Variants in CELF1 observed in about 807,000 individuals in gnomAD.
The protein encoded by CELF1 is 50 kDa nuclear polyadenylated RNA-binding protein.
In CELF1, 10 loss-of-function variants were observed where a neutral mutation model predicts 61.8. The observed-to-expected ratio is 0.16, with a 90% CI of 0.10 to 0.27. The LOEUF (loss-of-function observed/expected upper bound fraction) is 0.27, where lower values mean the gene tolerates loss of function less well. Ranked by LOEUF, CELF1 falls within the 10% of genes least tolerant of loss-of-function variation. CELF1 has a pLI of 1.00. For missense variants in CELF1, 380 were observed against 639.1 expected, an observed-to-expected ratio of 0.59 and a Z score of 4.37; for synonymous variants, 236 against 225.1, an observed-to-expected ratio of 1.05 and a Z score of -0.43.
chr11:47,523,539 C>T (rs1335088579), intron 1 of CELF1: 2 of 152,192 alleles, frequency 1.3e-5, no homozygotes, highest in Non-Finnish European at 2.9e-5. Context: ...AGAAGAGATC[C>T]CTAAGTGATT....
chr11:47,555,955 G>A (rs906665693), upstream of CELF1, among the ~76,000 whole-genome samples: 18 of 136,084 alleles, frequency 1.3e-4, no homozygotes, highest in East Asian at 3.3e-3. Context: ...AGTCGAGATC[G>A]AACCACTGCA....
At chr11:47,526,911 C>T (rs550612127) in intron 1 of CELF1, among the ~76,000 whole-genome samples, 59 of 152,042 alleles carry the variant, frequency 3.9e-4, no homozygotes, top group Admixed American at 2.6e-4. Flanking sequence ...ATTAGCTGGG[C>T]GTGGGGGCGC....
At chr11:47,561,187 G>C (rs1329931696) in intron 2 of CELF1, among the ~76,000 whole-genome samples, 3 of 147,364 alleles carry the variant, frequency 2.0e-5, no homozygotes, top group Non-Finnish European at 4.4e-5. Context: ...GCTCAGGCCT[G>C]TAATCCCAGC....
At chr11:47,534,037 TTTTTTTTG>T (rs1296370976) in intron 1 of CELF1, among the ~76,000 whole-genome samples, 4 of 144,570 alleles carry the variant, frequency 2.8e-5, no homozygotes, top group Non-Finnish European at 4.5e-5. Flanking sequence ...TTTTTTTTTT[TTTTTTTTG>T]GACATAGAGT....
Position 47,553,099 on chromosome 11 carries a change from C to G in CELF1, c.-261G>C, listed in dbSNP as rs889190512. On this transcript the variant is annotated 5_prime_UTR_variant, in exon 1 of 15. Transcript: ENST00000687097. ...GAATCCCGGGGGAGCCTCCGCGTCC[C>G]GCCGCCGCTGCCGCTGCCGCCAGAG... The G allele has an allele frequency of 1.8e-5, 7 of 398,776 alleles. No individual in the cohort carries two copies. The highest frequency in any genetic ancestry group is 1.4e-4 in the African/African-American group (7 of 48,536). 24.7% of individuals were successfully genotyped at this position (398,776 alleles called of 1,614,324 possible). A position where few individuals can be genotyped will look rare whatever the true frequency, so the allele number is the denominator to read the frequency against.
intron 1 of CELF1, among the ~76,000 whole-genome samples, chr11:47,539,983 A>C (rs563710302): frequency 1.3e-5 from 2 of 152,318 alleles, no homozygotes; most frequent in Non-Finnish European, 2.9e-5. Flanking sequence ...TCTCAGTTCT[A>C]ATCTCAAATT....
At chr11:47,512,283 G>A (rs2095253900) in intron 1 of CELF1, among the ~76,000 whole-genome samples, 1 of 152,052 alleles carries the variant, frequency 6.6e-6, no homozygotes, top group Non-Finnish European at 1.5e-5. Context: ...CTCCTGAGTA[G>A]CTGGGACTAC....
chr11:47,499,789 T>C (rs1036217201), intron 2 of CELF1, 185 bp from the exon 3 acceptor site: 7 of 437,100 alleles, frequency 1.6e-5, no homozygotes, highest in African/African-American at 4.0e-5. Context: ...CCAGGCTTGT[T>C]TTGTGCAATT....
Position 47,471,569 on chromosome 11 carries a change from A to G in CELF1, c.*661T>C, listed in dbSNP as rs1179234805. 3 of 152,156 alleles carry G rather than the reference A, an allele frequency of 2.0e-5. No homozygotes were observed. Among genetic ancestry groups the G allele is most frequent in the African/African-American group, 4.8e-5 (2 of 41,424 alleles). 9.4% of individuals were successfully genotyped at this position (152,156 alleles called of 1,614,324 possible). A position where few individuals can be genotyped will look rare whatever the true frequency, so the allele number is the denominator to read the frequency against. On this transcript the variant is annotated 3_prime_UTR_variant, in exon 15 of 15. Coordinates refer to ENST00000687097, the MANE Select transcript of CELF1 (RefSeq NM_001376376.1). ...GGTGCTTTATTTCCAGAGAATTGTT[A>G]ATGCCCTTTTTTGAAAAGAGCAGCA...
intron 1 of CELF1, among the ~76,000 whole-genome samples, chr11:47,501,500 AT>A (rs2093894889): frequency 6.6e-6 from 1 of 152,220 alleles, no homozygotes; most frequent in Non-Finnish European, 1.5e-5. Flanking sequence ...CTAAAAAGAC[AT>A]TCCAGGCTTT....
chr11:47,494,401 G>A (rs750311716), intron 3 of CELF1: 418 of 984,346 alleles, frequency 4.2e-4, no homozygotes, highest in Non-Finnish European at 4.8e-4. Flanking sequence ...GAAAATTCAG[G>A]ACAAGAGGTT....
chr11:47,547,384 A>G (rs1448304664), intron 1 of CELF1, among the ~76,000 whole-genome samples: 1 of 152,264 alleles, frequency 6.6e-6, no homozygotes, highest in Non-Finnish European at 1.5e-5. Context: ...CACAGCCATA[A>G]AAGGAAATTA....
At chr11:47,499,969 G>A (rs1338168446) in intron 2 of CELF1, among the ~76,000 whole-genome samples, 2 of 152,180 alleles carry the variant, frequency 1.3e-5, no homozygotes, top group African/African-American at 2.4e-5. Context: ...CCTGAAGCAA[G>A]AAAAGGCTCA....
chr11:47,489,935 G>GTTTTTTTGTTTTTTTTTTTTTTTTTT (rs2090255781), intron 3 of CELF1, among the ~76,000 whole-genome samples: 1 of 48,226 alleles, frequency 2.1e-5, no homozygotes, highest in East Asian at 6.0e-4. Context: ...ATACCATCTT[G>GTTTTTTTGTTTTTTTTTTTTTTTTTT]TTTTTTTTTT....
At chr11:47,520,969 G>A (rs1335446209) in intron 1 of CELF1, among the ~76,000 whole-genome samples, 1 of 151,800 alleles carries the variant, frequency 6.6e-6, no homozygotes, top group African/African-American at 2.4e-5. Context: ...ATGAACTAGA[G>A]GGCCGGGCGT....
intron 1 of CELF1, among the ~76,000 whole-genome samples, chr11:47,545,905 G>T (rs7105299): frequency 1.8e-5 from 2 of 109,178 alleles, no homozygotes; most frequent in Non-Finnish European, 3.5e-5. Flanking sequence ...GTGTGTGTGT[G>T]TATATATATA....
rs983802276 is a variant in CELF1, at chr11:47,547,902, G to A, written c.-154+5090C>T. Among the ~76,000 whole-genome samples the A allele has an allele frequency of 2.6e-5, 4 of 152,292 alleles. 1 individual carries two copies. The South Asian group carries it at 8.3e-4, about 32-fold the overall frequency. On this transcript the variant is annotated intron_variant, in intron 1 of 14. Coordinates refer to ENST00000687097, the MANE Select transcript of CELF1 (RefSeq NM_001376376.1). ...GAAAATTGAGAGTTATTGCTTAATGGTTACAGAGGTTCTGTATGCGGTGAT... is the reference window on the plus strand; with the variant it reads ...GAAAATTGAGAGTTATTGCTTAATGATTACAGAGGTTCTGTATGCGGTGAT...
Position 47,552,699 on chromosome 11 carries a change from G to C in CELF1, c.-154+293C>G, listed in dbSNP as rs563663027. On this transcript the variant is annotated intron_variant, in intron 1 of 14. Coordinates refer to ENST00000687097, the MANE Select transcript of CELF1 (RefSeq NM_001376376.1). ...AGGGCACGAGGCCTCTGAGCCTAGA[G>C]AGTGAAGGTAAAGGGCGCGGGGAGA... Among the ~76,000 whole-genome samples, 16 of 152,356 alleles carry C rather than the reference G, an allele frequency of 1.1e-4. No homozygotes were observed. The South Asian group carries it at 3.3e-3, about 32-fold the overall frequency.
At position 47,516,589 on chromosome 11, in the gene CELF1, T is replaced by C. The variant is rs2095565443; in HGVS notation, c.-153-15657A>G. On this transcript the variant is annotated intron_variant, in intron 1 of 14. Coordinates refer to ENST00000687097, the MANE Select transcript of CELF1 (RefSeq NM_001376376.1). The stretch of plus-strand genomic sequence containing the variant: ...AATTATTAGGCCTCCCCATCTCCAT[T>C]AATAATATTCTCTTTTTTTTTTTTT... Among the ~76,000 whole-genome samples, 8 of 152,120 alleles carry C rather than the reference T, an allele frequency of 5.3e-5. No homozygotes were observed. In the South Asian group the frequency reaches 1.7e-3, roughly 32 times the overall value.
Sources: gnomAD v4.1 joint callset for allele counts (sites outside exome capture counted in the v4.1 genomes callset) on GRCh38, gnomAD v4.1.1 for gene constraint, MANE v1.5 for transcripts, NCBI Gene and HGNC (gene_info 2026-07-23, HGNC 2026-07-21) for gene names.